TCF4: variants seen among roughly 807,000 people sequenced by gnomAD.
TCF4 encodes the protein transcription factor 4.
A neutral mutation model predicts 82.1 loss-of-function variants in TCF4; 3 were observed. The observed-to-expected ratio is 0.04, with a 90% CI of 0.02 to 0.09. The LOEUF (loss-of-function observed/expected upper bound fraction) is 0.09, where lower values mean the gene tolerates loss of function less well. Ranked by LOEUF, TCF4 falls within the 10% of genes least tolerant of loss-of-function variation. The probability of loss-of-function intolerance (pLI) is 1.00; values close to 1 mark genes in which losing one functional copy is unlikely to be tolerated. For synonymous variants in TCF4, 276 were observed against 309.6 expected (o/e 0.89, Z 1.14); for missense variants, 518 against 852.7 (o/e 0.61, Z 4.89).
rs554692987 is a variant in TCF4, at chr18:55,633,690, T to C, written c.195+2013A>G. 6.6e-6 allele frequency among the ~76,000 whole-genome samples: 1 copy of C among 152,164 alleles called. No individual in the cohort carries two copies. ...GGCCAGATAGCAAATTTTTTAAGCA[T>C]TGCAGGCCATATGGTCTCTGTCACA... On this transcript the variant is annotated intron_variant, in intron 1 of 20. Coordinates refer to the TCF4 transcript ENST00000398339. The surrounding 1 kb of genome is among the most constrained non-coding windows in gnomAD (Gnocchi z 4.0).
intron 3 of TCF4, among the ~76,000 whole-genome samples, chr18:55,539,779 G>A (rs1160990756): frequency 6.6e-6 from 1 of 151,930 alleles, no homozygotes; most frequent in Non-Finnish European, 1.5e-5. Flanking sequence ...GTTTGAATGG[G>A]AATCAAATAG....
chr18:55,285,635 C>G (rs1258251120), intron 8 of TCF4, among the ~76,000 whole-genome samples: 1 of 152,158 alleles, frequency 6.6e-6, no homozygotes, highest in Non-Finnish European at 1.5e-5. Context: ...TGAACATCAC[C>G]AACACAGGAC....
chr18:55,440,821 T>G (rs921915435), intron 5 of TCF4, among the ~76,000 whole-genome samples: 1 of 152,216 alleles, frequency 6.6e-6, no homozygotes, highest in South Asian at 2.1e-4. Context: ...GTTAGCCTGA[T>G]AGCTGGAAAT....
intron 6 of TCF4, among the ~76,000 whole-genome samples, chr18:55,380,076 T>G (rs1450702642): frequency 6.6e-6 from 1 of 152,116 alleles, no homozygotes; most frequent in Non-Finnish European, 1.5e-5. Context: ...AGACAGGGTT[T>G]CATCGTGTTG....
At chr18:55,592,335 AG>A (rs1272243052), upstream of TCF4, among the ~76,000 whole-genome samples, 1 of 152,160 alleles carries the variant, frequency 6.6e-6, no homozygotes, top group African/African-American at 2.4e-5. Context: ...GTCTGACATC[AG>A]GGTGCCGTCA....
rs1323094186 is a variant in TCF4, at chr18:55,224,055, T to C, written c.*3980A>G. ...ATATTTTTTATTTTTAAATTTAGTT[T>C]TTTTTTTTTCCTACTAGGGTGTACT... is the stretch of plus-strand genomic sequence containing the variant. On this transcript the variant is annotated 3_prime_UTR_variant, in exon 20 of 20. Coordinates refer to ENST00000354452, the MANE Select transcript of TCF4 (RefSeq NM_001083962.2). The C allele has an allele frequency of 1.3e-5, 2 of 151,376 alleles. No individual in the cohort carries two copies. Among genetic ancestry groups the C allele is most frequent in the Non-Finnish European group, 3.0e-5 (2 of 67,750 alleles). The allele number at this position is 151,376 out of a possible 1,614,324, so 9.4% of individuals were successfully genotyped here. A position where few individuals can be genotyped will look rare whatever the true frequency, so the allele number is the denominator to read the frequency against.
intron 8 of TCF4, among the ~76,000 whole-genome samples, chr18:55,311,069 T>C (rs1375164156): frequency 6.6e-6 from 1 of 151,586 alleles, no homozygotes; most frequent in Non-Finnish European, 1.5e-5. Context: ...GTTTTCATGG[T>C]AAAACGTAGA....
chr18:55,438,935 T>C (rs1014419632), intron 5 of TCF4, among the ~76,000 whole-genome samples: 3 of 152,108 alleles, frequency 2.0e-5, no homozygotes, highest in African/African-American at 7.2e-5. Context: ...GAACAGAAAT[T>C]GAAAGGTGTT....
intron 6 of TCF4, among the ~76,000 whole-genome samples, chr18:55,391,545 A>G (rs185218682): frequency 1.2e-4 from 19 of 152,154 alleles, no homozygotes; most frequent in Admixed American, 5.2e-4. Flanking sequence ...ATACCCTGGG[A>G]GAACACAGAG....
chr18:55,281,530 T>A (rs777246522), intron 8 of TCF4, among the ~76,000 whole-genome samples: 47 of 152,118 alleles, frequency 3.1e-4, no homozygotes, highest in Non-Finnish European at 5.9e-4. Context: ...AATATATTTA[T>A]TATAAAACTA....
intron 6 of TCF4, among the ~76,000 whole-genome samples, chr18:55,377,480 T>C (rs1032913369): frequency 8.5e-5 from 13 of 152,152 alleles, no homozygotes; most frequent in Non-Finnish European, 1.6e-4. Context: ...TCAGGAAAAA[T>C]ATAGACCCAG....
At chr18:55,439,605 G>T (rs1479203405) in intron 5 of TCF4, among the ~76,000 whole-genome samples, 1 of 152,160 alleles carries the variant, frequency 6.6e-6, no homozygotes, top group Non-Finnish European at 1.5e-5. Flanking sequence ...GATCACCTAG[G>T]ACACAAAAAT....
chr18:55,588,609 C>T, upstream of TCF4: 1 of 1,498,954 alleles, frequency 6.7e-7, no homozygotes, highest in Non-Finnish European at 8.9e-7. Flanking sequence ...CTCGTTCCCT[C>T]TCACTCACAC....
chr18:55,518,091 C>A (rs1387822176), intron 3 of TCF4, among the ~76,000 whole-genome samples: 1 of 152,064 alleles, frequency 6.6e-6, no homozygotes, highest in Non-Finnish European at 1.5e-5. Flanking sequence ...TATTGAAACA[C>A]CTTGAATGCC....
intron 8 of TCF4, among the ~76,000 whole-genome samples, chr18:55,313,006 G>A (rs2073036466): frequency 6.6e-6 from 1 of 152,158 alleles, no homozygotes; most frequent in Non-Finnish European, 1.5e-5. Flanking sequence ...AAGTGGAAAT[G>A]TGATGGAATT....
intron 3 of TCF4, among the ~76,000 whole-genome samples, chr18:55,505,661 G>A (rs530605240): frequency 6.6e-5 from 10 of 151,652 alleles, no homozygotes; most frequent in East Asian, 3.9e-4. Flanking sequence ...AAAATTAGCC[G>A]GGCGTAGTGG....
intron 2 of TCF4, among the ~76,000 whole-genome samples, chr18:55,622,042 C>CTG (rs1468493699): frequency 1.5e-5 from 2 of 133,034 alleles, no homozygotes; most frequent in South Asian, 4.4e-4. Context: ...TATATATACA[C>CTG]TATATATAAT....
intron 6 of TCF4, among the ~76,000 whole-genome samples, chr18:55,377,818 T>C (rs761179317): frequency 9.2e-5 from 14 of 152,250 alleles, no homozygotes; most frequent in Non-Finnish European, 1.5e-4. Context: ...TGTGTTGAAC[T>C]TGTATTACTT....
At chr18:55,246,581 C>T (rs1030639504) in intron 15 of TCF4, among the ~76,000 whole-genome samples, 3 of 152,098 alleles carry the variant, frequency 2.0e-5, no homozygotes, top group African/African-American at 7.2e-5. Context: ...ACTTCTATTG[C>T]TGTTTTCAAA....
Sources: gnomAD v4.1 joint callset for allele counts (sites outside exome capture counted in the v4.1 genomes callset) on GRCh38, gnomAD v4.1.1 for gene constraint, Gnocchi (gnomAD v3.1) non-coding constraint, MANE v1.5 for transcripts, NCBI Gene and HGNC (gene_info 2026-07-23, HGNC 2026-07-21) for gene names.